PHKB: variants seen among roughly 807,000 people sequenced by gnomAD.
The protein encoded by PHKB is phosphorylase kinase regulatory subunit beta.
Under a neutral mutation model 152.1 loss-of-function variants are expected in PHKB, and 122 were observed. The ratio of observed to expected loss-of-function variants is 0.80; its 90% CI spans 0.69 to 0.93. The LOEUF is 0.93. Among genes scored for constraint, PHKB ranks in the 40% least tolerant of loss-of-function variants. The pLI is 0.00. For synonymous variants in PHKB, 436 were observed against 464.9 expected, an observed-to-expected ratio of 0.94 and a Z score of 0.80; for missense variants, 1,304 against 1,328.4, an observed-to-expected ratio of 0.98 and a Z score of 0.29.
chr16:47,501,019 A>T (rs979510966), intron 3 of PHKB, among the ~76,000 whole-genome samples: 32 of 152,214 alleles, frequency 2.1e-4, no homozygotes, highest in Admixed American at 1.4e-3. Flanking sequence ...TGACATCACT[A>T]AAAGCATTTC....
intron 13 of PHKB, among the ~76,000 whole-genome samples, chr16:47,606,482 A>G (rs1972326225): frequency 6.6e-6 from 1 of 152,238 alleles, no homozygotes; most frequent in Non-Finnish European, 1.5e-5. Flanking sequence ...GAATGAAATA[A>G]ACATGTTTTA....
At chr16:47,486,389 G>A (rs1182218265) in intron 1 of PHKB, among the ~76,000 whole-genome samples, 2 of 152,184 alleles carry the variant, frequency 1.3e-5, no homozygotes, top group Non-Finnish European at 1.5e-5. Context: ...ATTTTAAGAA[G>A]AAGAAATTAT....
chr16:47,566,307 G>A (rs1971565951), intron 7 of PHKB: 2 of 1,099,272 alleles, frequency 1.8e-6, no homozygotes, highest in Non-Finnish European at 2.8e-6. Flanking sequence ...CCTTCAGTCT[G>A]TATCTGTTTT....
intron 7 of PHKB, among the ~76,000 whole-genome samples, chr16:47,574,876 G>T (rs1971723730): frequency 6.6e-6 from 1 of 152,182 alleles, no homozygotes; most frequent in Non-Finnish European, 1.5e-5. Context: ...CATCTGCAAA[G>T]AAACAGTTTC....
chr16:47,548,845 TATA>T (rs1426767008), intron 7 of PHKB, among the ~76,000 whole-genome samples: 1 of 152,174 alleles, frequency 6.6e-6, no homozygotes, highest in Non-Finnish European at 1.5e-5. Flanking sequence ...ATGTCATTGT[TATA>T]ATAATTGTTG....
intron 6 of PHKB, among the ~76,000 whole-genome samples, chr16:47,537,279 C>A (rs1415884771): frequency 6.6e-6 from 1 of 152,220 alleles, no homozygotes; most frequent in East Asian, 1.9e-4. Flanking sequence ...AAAGATCTAG[C>A]AAAGGCTCTC....
At chr16:47,527,894 A>G (rs1320315332) in intron 6 of PHKB, among the ~76,000 whole-genome samples, 1 of 152,162 alleles carries the variant, frequency 6.6e-6, no homozygotes, top group Non-Finnish European at 1.5e-5. Flanking sequence ...TCTGCTAGCC[A>G]AAGAGCAAGG....
At chr16:47,679,685 T>G (rs1973810656) in intron 26 of PHKB, among the ~76,000 whole-genome samples, 1 of 152,216 alleles carries the variant, frequency 6.6e-6, no homozygotes, top group Non-Finnish European at 1.5e-5. Flanking sequence ...ACAATGGGGT[T>G]TTCTAGATAT....
chr16:47,491,161 G>A (rs557162712), intron 1 of PHKB, among the ~76,000 whole-genome samples: 1 of 152,110 alleles, frequency 6.6e-6, no homozygotes, highest in Admixed American at 6.6e-5. Context: ...GATACAGCCA[G>A]CATAATTGAC....
At chr16:47,517,673 C>T (rs566071094) in intron 6 of PHKB, among the ~76,000 whole-genome samples, 20 of 152,228 alleles carry the variant, frequency 1.3e-4, no homozygotes, top group Non-Finnish European at 2.1e-4. Flanking sequence ...TATTATATCA[C>T]TTTAGCCATT....
chr16:47,517,213 G>C (rs1258794155), intron 6 of PHKB, among the ~76,000 whole-genome samples: 1 of 151,674 alleles, frequency 6.6e-6, no homozygotes, highest in Non-Finnish European at 1.5e-5. Context: ...TACAATTAGT[G>C]GCAACTAATA....
In PHKB at chr16:47,699,272, G is replaced by C. The variant is rs1262822212; in HGVS notation, c.3188G>C (p.Arg1063Thr). The C allele has an allele frequency of 6.2e-7, 1 of 1,614,094 alleles. No homozygotes were observed. Among genetic ancestry groups the C allele is most frequent in the East Asian group, 2.2e-5 (1 of 44,876 alleles). ...SFYNTPPLGKRGTCSYLTKAV... is the reference protein window; with the variant it reads ...SFYNTPPLGKTGTCSYLTKAV... Reference sequence around the variant, plus strand: ...TACAACACTCCTCCCCTGGGAAAAAGAGGAACATGCAGCTATTTGACAAAG... The same window carrying C: ...TACAACACTCCTCCCCTGGGAAAAACAGGAACATGCAGCTATTTGACAAAG... Residue 1063 changes from arginine (R) to threonine (T), a missense_variant, in exon 31 of 31, where the codon AGA (arginine) becomes ACA (threonine). Coordinates refer to ENST00000323584, the MANE Select transcript of PHKB (RefSeq NM_000293.3).
chr16:47,652,255 G>T (rs1446059713), intron 20 of PHKB, among the ~76,000 whole-genome samples: 1 of 151,486 alleles, frequency 6.6e-6, no homozygotes, highest in East Asian at 1.9e-4. Flanking sequence ...TGATTCAGGG[G>T]GATACATATA....
At chr16:47,681,112 T>A (rs1022654153) in intron 26 of PHKB, among the ~76,000 whole-genome samples, 7 of 152,252 alleles carry the variant, frequency 4.6e-5, no homozygotes, top group African/African-American at 1.7e-4. Context: ...AGTTCTAATT[T>A]GATTACACTG....
chr16:47,557,994 A>T (rs532079552), intron 7 of PHKB, among the ~76,000 whole-genome samples: 1 of 151,914 alleles, frequency 6.6e-6, no homozygotes, highest in South Asian at 2.1e-4. Context: ...CAAATGTCCA[A>T]CAATGATAGA....
At chr16:47,505,773 C>T (rs1970405316) in intron 4 of PHKB, among the ~76,000 whole-genome samples, 2 of 152,086 alleles carry the variant, frequency 1.3e-5, no homozygotes, top group South Asian at 2.1e-4. Flanking sequence ...TGGCTCACGC[C>T]TAAAATCACA....
chr16:47,637,720 C>G (rs1320529884), intron 14 of PHKB, among the ~76,000 whole-genome samples: 1 of 152,016 alleles, frequency 6.6e-6, no homozygotes, highest in Non-Finnish European at 1.5e-5. Flanking sequence ...TAGTTATAGT[C>G]TTATATTTGA....
In PHKB at chr16:47,510,932, C is replaced by T. The variant is rs1426791759; in HGVS notation, c.406-733C>T. On this transcript the variant is annotated intron_variant, in intron 4 of 30. Coordinates refer to ENST00000323584, the MANE Select transcript of PHKB (RefSeq NM_000293.3). ...TTTATCTCAGACTTCCAGGAATTAGCACAGTACTTGTCACATCACTGGCAT... is the reference window on the plus strand; with the variant it reads ...TTTATCTCAGACTTCCAGGAATTAGTACAGTACTTGTCACATCACTGGCAT... Among the ~76,000 whole-genome samples, 3 of 152,090 alleles carry T rather than the reference C, an allele frequency of 2.0e-5. No homozygotes were observed. In the East Asian group the frequency reaches 5.8e-4, roughly 29 times the overall value.
chr16:47,524,360 GTTTT>G (rs1970732322), intron 6 of PHKB, among the ~76,000 whole-genome samples: 1 of 152,086 alleles, frequency 6.6e-6, no homozygotes, highest in Admixed American at 6.5e-5. Context: ...GTCCCAGTGT[GTTTT>G]TTAACTGCCT....
Sources: allele counts gnomAD v4.1 joint callset (sites outside exome capture counted in the v4.1 genomes callset), GRCh38; gene constraint gnomAD v4.1.1; transcripts MANE v1.5; gene names NCBI Gene and HGNC (gene_info 2026-07-23, HGNC 2026-07-21).